The following ELMO1 variants were observed in gnomAD, a reference collection of about 807,000 sequenced individuals.
ELMO1 encodes the protein engulfment and cell motility 1.
ELMO1 carries 26 observed loss-of-function variants against 98.9 expected under a neutral mutation model. The observed-to-expected ratio is 0.26, with a 90% CI of 0.19 to 0.36. ELMO1 has a LOEUF of 0.36. Among genes scored for constraint, ELMO1 ranks in the 10% least tolerant of loss-of-function variants. The pLI is 1.00. For missense variants in ELMO1, 627 were observed against 935.2 expected, an observed-to-expected ratio of 0.67 and a Z score of 4.30; for synonymous variants, 346 against 346.0, an observed-to-expected ratio of 1.00 and a Z score of 0.00.
chr7:37,308,753 C>T (rs1396547920), intron 4 of ELMO1, among the ~76,000 whole-genome samples: 2 of 152,140 alleles, frequency 1.3e-5, no homozygotes, highest in African/African-American at 2.4e-5. Flanking sequence ...CTCTGGCTGC[C>T]CAGATGATGA....
At chr7:37,251,931 C>A (rs1354069497) in intron 6 of ELMO1, among the ~76,000 whole-genome samples, 1 of 152,104 alleles carries the variant, frequency 6.6e-6, no homozygotes, top group African/African-American at 2.4e-5. Flanking sequence ...TTCCTATACA[C>A]CAATAATAGG....
chr7:37,277,073 T>C (rs753215489), intron 4 of ELMO1, among the ~76,000 whole-genome samples: 1 of 152,264 alleles, frequency 6.6e-6, no homozygotes, highest in South Asian at 2.1e-4. Flanking sequence ...ACCTGGCACA[T>C]GCCGGCACTC....
intron 14 of ELMO1, among the ~76,000 whole-genome samples, chr7:37,112,770 A>C (rs1392035467): frequency 1.3e-5 from 2 of 152,248 alleles, no homozygotes; most frequent in Non-Finnish European, 2.9e-5. Flanking sequence ...AATTAAGGTC[A>C]ATGAAAAAAT....
rs1430804864 is a variant in ELMO1, at chr7:37,342,734, T to C, written c.-44A>G. The C allele has an allele frequency of 1.3e-6, 2 of 1,560,976 alleles. No homozygotes were observed. Among genetic ancestry groups the C allele is most frequent in the South Asian group, 1.2e-5 (1 of 85,952 alleles). On this transcript the variant is annotated 5_prime_UTR_variant, in exon 2 of 22. Coordinates refer to ENST00000310758, the MANE Select transcript of ELMO1 (RefSeq NM_014800.11). This position sits in a 1 kb window ranked among gnomAD's most constrained non-coding sequence, Gnocchi z 4.3. ...TCAAAGCCAGTGGGAATGAGGATCC[T>C]ACAGCGTAAACGGCCACACGTGTCT...
intron 1 of ELMO1, among the ~76,000 whole-genome samples, chr7:37,439,980 G>GGT (rs3054254): frequency 0.2 from 29,442 of 150,354 alleles, 3,133 homozygotes; most frequent in South Asian, 0.39. Flanking sequence ...GAGCTGCATG[G>GGT]GTGTGTGTGT....
chr7:37,259,219 A>G lies in ELMO1; in HGVS notation c.375T>C (p.Gly125=), dbSNP rs2130794650. 1.9e-6 allele frequency: 3 copies of G among 1,614,116 alleles called. No individual in the cohort carries two copies. Among genetic ancestry groups the G allele is most frequent in the Non-Finnish European group, 2.5e-6 (3 of 1,180,000 alleles). ...CCACCATCTGCGTGAGGAGAGAGAT[A>G]CCGTCCAGGTTTATAAACTCCTGGG... ...TFAQEFINLD[G]ISLLTQMVES... The change falls in exon 6 of 22, where the codon GGT becomes GGC. Residue 125 remains glycine, a synonymous_variant. Transcript: ENST00000310758.
At position 37,203,730 on chromosome 7, in the gene ELMO1, C is replaced by T. The variant is rs535981164; in HGVS notation, c.1086+7656G>A. On this transcript the variant is annotated intron_variant, in intron 13 of 21. Transcript: ENST00000310758. The stretch of plus-strand genomic sequence containing the variant: ...TGTCTGGCAGGCATTAGGACCCAGG[C>T]GGCAAGGGTCAGAATAGATAGGATA... 1.6e-4 allele frequency among the ~76,000 whole-genome samples: 25 copies of T among 151,696 alleles called. No homozygotes were observed. In the East Asian group the frequency reaches 2.9e-3, roughly 18 times the overall value.
At chr7:37,295,580 A>G (rs1192119368) in intron 4 of ELMO1, among the ~76,000 whole-genome samples, 1 of 152,222 alleles carries the variant, frequency 6.6e-6, no homozygotes, top group African/African-American at 2.4e-5. Flanking sequence ...TTAGCCTTGC[A>G]CAATCTTGCT....
At chr7:36,898,632 G>C (rs1222653091) in intron 16 of ELMO1, among the ~76,000 whole-genome samples, 2 of 152,184 alleles carry the variant, frequency 1.3e-5, no homozygotes, top group Admixed American at 6.5e-5. Flanking sequence ...TCTCACTGTT[G>C]GTCATGTAAA....
intron 17 of ELMO1, among the ~76,000 whole-genome samples, chr7:36,893,556 AT>A (rs1454500803): frequency 6.6e-6 from 1 of 152,216 alleles, no homozygotes; most frequent in Non-Finnish European, 1.5e-5. Flanking sequence ...GCTTCTTAAG[AT>A]TGGAAAACAA....
At chr7:37,109,097 G>A (rs889315139) in intron 14 of ELMO1, among the ~76,000 whole-genome samples, 5 of 152,140 alleles carry the variant, frequency 3.3e-5, no homozygotes, top group Admixed American at 1.3e-4. Context: ...TTCAGGGCAC[G>A]TATTCCCACA....
At chr7:37,091,866 C>A (rs535208909) in intron 15 of ELMO1, among the ~76,000 whole-genome samples, 1 of 152,254 alleles carries the variant, frequency 6.6e-6, no homozygotes, top group East Asian at 1.9e-4. Flanking sequence ...CCTTATAAAA[C>A]CATCAGATCT....
intron 11 of ELMO1, 75 bp downstream of exon 11, chr7:37,216,570 A>T: frequency 6.5e-7 from 1 of 1,546,448 alleles, no homozygotes; most frequent in Non-Finnish European, 8.9e-7. Flanking sequence ...CACAGACTGA[A>T]GCCAAAAGAA....
chr7:36,989,933 G>A (rs796802444), intron 16 of ELMO1, among the ~76,000 whole-genome samples: 4 of 152,228 alleles, frequency 2.6e-5, no homozygotes, highest in African/African-American at 9.6e-5. Flanking sequence ...AGACAAAATT[G>A]CAAGGTAAAC....
At chr7:37,015,069 C>A (rs1793838107) in intron 15 of ELMO1, among the ~76,000 whole-genome samples, 1 of 152,194 alleles carries the variant, frequency 6.6e-6, no homozygotes, top group Non-Finnish European at 1.5e-5. Context: ...TTTAAAACAA[C>A]AGCAAAGTGG....
At chr7:36,975,175 A>C (rs1790415279) in intron 16 of ELMO1, among the ~76,000 whole-genome samples, 1 of 152,240 alleles carries the variant, frequency 6.6e-6, no homozygotes, top group Middle Eastern at 3.2e-3. Flanking sequence ...TCAACAGATG[A>C]AATTTTTCAT....
intron 14 of ELMO1, among the ~76,000 whole-genome samples, chr7:37,118,904 C>T (rs1168672506): frequency 1.3e-5 from 2 of 152,322 alleles, no homozygotes; most frequent in Admixed American, 1.3e-4. Context: ...TGAACTGTGG[C>T]TACCACCTCC....
chr7:37,044,131 C>T (rs1261039995), intron 15 of ELMO1, among the ~76,000 whole-genome samples: 1 of 152,060 alleles, frequency 6.6e-6, no homozygotes, highest in African/African-American at 2.4e-5. Context: ...CAAAATACAG[C>T]AAAAAGGCTA....
intron 15 of ELMO1, among the ~76,000 whole-genome samples, chr7:37,059,145 A>G (rs1796540484): frequency 6.6e-6 from 1 of 152,170 alleles, no homozygotes; most frequent in Non-Finnish European, 1.5e-5. Context: ...ATTCACTCCA[A>G]TATATTTCCC....
Sources: allele counts gnomAD v4.1 joint callset (sites outside exome capture counted in the v4.1 genomes callset), GRCh38; gene constraint gnomAD v4.1.1; non-coding constraint Gnocchi (gnomAD v3.1); transcripts MANE v1.5; gene names NCBI Gene and HGNC (gene_info 2026-07-23, HGNC 2026-07-21).